RANBP9: variants seen among roughly 807,000 people sequenced by gnomAD.
RANBP9 encodes the protein RAN binding protein 9, also known as ran-binding protein 9.
Under a neutral mutation model 84.3 loss-of-function variants are expected in RANBP9, and 15 were observed. The observed-to-expected ratio is 0.18, with a 90% CI of 0.12 to 0.27. The LOEUF (loss-of-function observed/expected upper bound fraction) is 0.27, where lower values mean the gene tolerates loss of function less well. RANBP9 is among the 10% of genes least tolerant of loss of function. The probability of loss-of-function intolerance (pLI) is 1.00; values close to 1 mark genes in which losing one functional copy is unlikely to be tolerated. For synonymous variants in RANBP9, 392 were observed against 349.6 expected, an observed-to-expected ratio of 1.12 and a Z score of -1.35; for missense variants, 809 against 912.8, an observed-to-expected ratio of 0.89 and a Z score of 1.46.
rs1250718958 is a variant in RANBP9 at position 13,637,961 on chromosome 6, G to A, written c.1526-6C>T. 1 of 1,586,628 alleles carries A rather than the reference G, an allele frequency of 6.3e-7. No individual in the cohort carries two copies. The highest frequency in any genetic ancestry group is 8.5e-7 in the Non-Finnish European group (1 of 1,169,896). On this transcript the variant is annotated splice_polypyrimidine_tract_variant and splice_region_variant and intron_variant, in intron 9 of 13. Coordinates refer to ENST00000011619, the MANE Select transcript of RANBP9 (RefSeq NM_005493.3). The stretch of plus-strand genomic sequence containing the variant: ...ATTACTACAACTTTCAAAACCTGAA[G>A]AAAAAGATACCACGTAGAAACAGAA...
rs1764471600 is a variant in RANBP9 at position 13,622,252 on chromosome 6, C to T, written c.*110G>A. 1 of 1,169,570 alleles carries T rather than the reference C, an allele frequency of 8.6e-7. No individual in the cohort carries two copies. Among genetic ancestry groups the T allele is most frequent in the Admixed American group, 3.1e-5 (1 of 32,140 alleles). 72.4% of individuals were successfully genotyped at this position (1,169,570 alleles called of 1,614,324 possible). ...AGGAAGCAATGTAAAGCGACAAAAA[C>T]CTGTCCCCAGTACATAATTTAAAAA... On this transcript the variant is annotated 3_prime_UTR_variant, in exon 14 of 14. Coordinates refer to ENST00000011619, the MANE Select transcript of RANBP9 (RefSeq NM_005493.3).
intron 2 of RANBP9, among the ~76,000 whole-genome samples, chr6:13,675,216 ATTC>A (rs1364809550): frequency 6.6e-6 from 1 of 152,218 alleles, no homozygotes; most frequent in Admixed American, 6.5e-5. Flanking sequence ...CATAATACAT[ATTC>A]TTCTTAAGCT....
intron 2 of RANBP9, among the ~76,000 whole-genome samples, chr6:13,676,494 T>C (rs565479350): frequency 3.9e-5 from 6 of 152,000 alleles, no homozygotes; most frequent in Admixed American, 3.9e-4. Context: ...AATAAAGACA[T>C]TACAAGAAGG....
At chr6:13,708,869 G>A (rs564455143) in intron 1 of RANBP9, among the ~76,000 whole-genome samples, 20 of 151,844 alleles carry the variant, frequency 1.3e-4, no homozygotes, top group African/African-American at 4.8e-4. Context: ...CAAGACAAGA[G>A]GAAGAGGCAG....
At position 13,622,479 on chromosome 6, in the gene RANBP9, C is replaced by A; in HGVS notation, c.2073G>T (p.Leu691=). 1 of 1,575,618 alleles carries A rather than the reference C, an allele frequency of 6.3e-7. No homozygotes were observed. Among genetic ancestry groups the A allele is most frequent in the Non-Finnish European group, 8.6e-7 (1 of 1,162,982 alleles). Residue 691 remains leucine, a synonymous_variant, in exon 14 of 14, where the codon CTG becomes CTT. Transcript: ENST00000011619. ...CTAGGGCAAGTGGAGGTTGCTTTGG[C>A]AGATTGTGGGTTTCTGAGGAAAAAT... ...LNSAILETHN[L]PKQPPLALAM...
At position 13,644,712 on chromosome 6, in the gene RANBP9, A is replaced by C. The variant is rs774066091; in HGVS notation, c.945T>G (p.Thr315=). Residue 315 remains threonine, a synonymous_variant, in exon 6 of 14, where the codon ACT becomes ACG. Coordinates refer to ENST00000011619, the MANE Select transcript of RANBP9 (RefSeq NM_005493.3). ...FTDLPPNLYP[T]VGLQTPGEVV... ...CTTCTCCTGGTGTTTGAAGCCCCACAGTAGGATACAAATTTGGCTGTAAGA... is the reference window on the plus strand; with the variant it reads ...CTTCTCCTGGTGTTTGAAGCCCCACCGTAGGATACAAATTTGGCTGTAAGA... The C allele has an allele frequency of 6.2e-7, 1 of 1,601,070 alleles. No individual in the cohort carries two copies. Among genetic ancestry groups the C allele is most frequent in the Non-Finnish European group, 8.5e-7 (1 of 1,175,018 alleles).
intron 12 of RANBP9, among the ~76,000 whole-genome samples, chr6:13,631,000 G>A (rs1584910832): frequency 1.3e-5 from 2 of 152,008 alleles, no homozygotes; most frequent in African/African-American, 2.4e-5. Flanking sequence ...TAGTAGAGAC[G>A]GGGTTTCACC....
chr6:13,678,945 T>C (rs1345373546), intron 2 of RANBP9, among the ~76,000 whole-genome samples: 1 of 152,124 alleles, frequency 6.6e-6, no homozygotes, highest in African/African-American at 2.4e-5. Flanking sequence ...CAAAGTGAAA[T>C]ATTAATCACC....
At chr6:13,688,833 G>T (rs748447100) in intron 2 of RANBP9, among the ~76,000 whole-genome samples, 4 of 151,610 alleles carry the variant, frequency 2.6e-5, no homozygotes, top group Middle Eastern at 6.8e-3. Flanking sequence ...TCTAAAGCAG[G>T]TATCATATAT....
Position 13,625,694 on chromosome 6 carries a change from T to C in RANBP9, c.2018A>G (p.Gln673Arg). 6.2e-7 allele frequency: 1 copy of C among 1,613,252 alleles called. No individual in the cohort carries two copies. The highest frequency in any genetic ancestry group is 8.5e-7 in the Non-Finnish European group (1 of 1,179,196). ...AAGAGCTGAGCACACAGGTTCTCTC[T>C]GAATCGGGTCAAGCTGATTTCCAAC... ...SPVGNQLDPI[Q>R]REPVCSALNS... The change falls in exon 13 of 14, where the codon CAG (glutamine) becomes CGG (arginine). Residue 673 changes from glutamine (Q) to arginine (R), a missense_variant. Around this residue, in one of 5 missense-constraint regions of RANBP9, gnomAD observed 233 missense variants for 234.4 expected, o/e 0.99. Coordinates refer to ENST00000011619, the MANE Select transcript of RANBP9 (RefSeq NM_005493.3).
chr6:13,669,900 T>C (rs1034482418), intron 2 of RANBP9, among the ~76,000 whole-genome samples: 6 of 152,058 alleles, frequency 3.9e-5, no homozygotes, highest in Admixed American at 3.3e-4. Flanking sequence ...GGTAGATGAA[T>C]TGATTTTTGA....
chr6:13,686,476 G>A (rs957204283), intron 2 of RANBP9, among the ~76,000 whole-genome samples: 10 of 151,626 alleles, frequency 6.6e-5, no homozygotes, highest in Admixed American at 6.6e-4. Context: ...GTAGAGACAG[G>A]GTTTTACCAT....
At chr6:13,705,406 CAAAAAAA>C (rs774239782) in intron 1 of RANBP9, among the ~76,000 whole-genome samples, 300 of 26,708 alleles carry the variant, frequency 0.011, 1 homozygote, top group African/African-American at 0.033. Context: ...GATTCTGTCT[CAAAAAAA>C]AAAAAAAAAA....
intron 2 of RANBP9, among the ~76,000 whole-genome samples, chr6:13,682,502 C>A (rs185517288): frequency 1.1e-4 from 16 of 151,788 alleles, no homozygotes; most frequent in African/African-American, 2.9e-4. Flanking sequence ...GCCCAGCCTG[C>A]AGTGCAATGG....
At chr6:13,668,945 C>A (rs560310317) in intron 2 of RANBP9, among the ~76,000 whole-genome samples, 43 of 152,186 alleles carry the variant, frequency 2.8e-4, no homozygotes, top group African/African-American at 1.0e-3. Context: ...AAATAAGCAT[C>A]CTCTATTGAC....
At chr6:13,675,581 A>G (rs1452282580) in intron 2 of RANBP9, among the ~76,000 whole-genome samples, 2 of 152,102 alleles carry the variant, frequency 1.3e-5, no homozygotes, top group Admixed American at 1.3e-4. Context: ...CTGGAGCAAT[A>G]AATACAAACC....
At chr6:13,705,967 T>C (rs1368014625) in intron 1 of RANBP9, among the ~76,000 whole-genome samples, 1 of 151,934 alleles carries the variant, frequency 6.6e-6, no homozygotes, top group Non-Finnish European at 1.5e-5. Context: ...CTGTTCAAAC[T>C]TAAAAAGTGC....
At chr6:13,652,545 A>C (rs760396416) in intron 5 of RANBP9, 114 bp downstream of exon 5, 11 of 1,024,604 alleles carry the variant, frequency 1.1e-5, no homozygotes, top group African/African-American at 1.6e-5. Flanking sequence ...ATGTCATATA[A>C]ACCTAATAAA....
rs117161258 is a variant in RANBP9, at chr6:13,645,331, A to T, written c.928-602T>A. On this transcript the variant is annotated intron_variant, in intron 5 of 13. Transcript: ENST00000011619. The stretch of plus-strand genomic sequence containing the variant: ...TATTAAAAAAAAAACACAAAACCTC[A>T]AATATATGTATTTCAAGGGAGGAAA... 5.9e-5 allele frequency among the ~76,000 whole-genome samples: 9 copies of T among 152,236 alleles called. No individual in the cohort carries two copies. In the East Asian group the frequency reaches 1.7e-3, roughly 29 times the overall value.
Sources: gnomAD v4.1 joint callset for allele counts (sites outside exome capture counted in the v4.1 genomes callset) on GRCh38, gnomAD v4.1.1 for gene constraint, gnomAD v4.1.1 regional missense constraint, MANE v1.5 for transcripts, NCBI Gene and HGNC (gene_info 2026-07-23, HGNC 2026-07-21) for gene names.